The following PLCH1 variants were observed in gnomAD, a reference collection of about 807,000 sequenced individuals.
PLCH1 encodes the protein phospholipase C eta 1.
In PLCH1, 60 loss-of-function variants were observed where a neutral mutation model predicts 126.7. The observed-to-expected ratio is 0.47, with a 90% CI of 0.38 to 0.59. PLCH1 has a LOEUF of 0.59. PLCH1 is among the 20% of genes least tolerant of loss of function. The probability of loss-of-function intolerance (pLI) is 0.00; values close to 1 mark genes in which losing one functional copy is unlikely to be tolerated. For missense variants in PLCH1, 1,723 were observed against 2,040.0 expected (o/e 0.84, Z 2.99); for synonymous variants, 719 against 734.9 (o/e 0.98, Z 0.35).
At chr3:155,527,304 T>C (rs1334870464) in intron 10 of PLCH1, among the ~76,000 whole-genome samples, 1 of 152,194 alleles carries the variant, frequency 6.6e-6, no homozygotes, top group Non-Finnish European at 1.5e-5. Context: ...ATCTCTAAAC[T>C]CAAGCTTCAA....
At chr3:155,533,817 A>T (rs985301418) in intron 10 of PLCH1, among the ~76,000 whole-genome samples, 2 of 152,240 alleles carry the variant, frequency 1.3e-5, no homozygotes, top group Non-Finnish European at 2.9e-5. Context: ...AGCCATGGCT[A>T]AAAGGGGCCA....
intron 2 of PLCH1, among the ~76,000 whole-genome samples, chr3:155,681,154 C>G (rs1744501322): frequency 6.6e-6 from 1 of 152,016 alleles, no homozygotes; most frequent in African/African-American, 2.4e-5. Flanking sequence ...TATTTAGAAC[C>G]AGCATTTATT....
At chr3:155,469,260 T>C (rs955844584) in intron 21 of PLCH1, among the ~76,000 whole-genome samples, 6 of 152,140 alleles carry the variant, frequency 3.9e-5, no homozygotes, top group Admixed American at 3.3e-4. Flanking sequence ...ATTGCCTCAC[T>C]TGGGAAGCGC....
At chr3:155,654,711 A>G (rs1237262866) in intron 2 of PLCH1, among the ~76,000 whole-genome samples, 1 of 152,142 alleles carries the variant, frequency 6.6e-6, no homozygotes, top group Non-Finnish European at 1.5e-5. Context: ...AGTCCAGACC[A>G]CCATCATTTC....
Position 155,480,959 on chromosome 3 carries a change from TTAAA to T in PLCH1, c.*5_*8del, listed in dbSNP as rs1713912808. The stretch of plus-strand genomic sequence containing the variant: ...CCTTGAAAACCTTAAGAATGCAGTT[TTAAA>T]TAATTCACAGTCTCAAAAGAAAATA... On this transcript the variant is annotated 3_prime_UTR_variant, in exon 23 of 23. Coordinates refer to ENST00000460012, the MANE Select transcript of PLCH1 (RefSeq NM_014996.4). The T allele has an allele frequency of 6.4e-7, 1 of 1,562,690 alleles. No homozygotes were observed. Among genetic ancestry groups the T allele is most frequent in the Non-Finnish European group, 8.7e-7 (1 of 1,150,214 alleles).
intron 10 of PLCH1, among the ~76,000 whole-genome samples, chr3:155,537,202 C>A (rs890841321): frequency 0.092 from 903 of 9,768 alleles, 53 homozygotes; most frequent in African/African-American, 0.14. Flanking sequence ...AAAAAAAAAC[C>A]AAAAAAAAAA....
chr3:155,583,292 C>T (rs567645808), intron 6 of PLCH1, among the ~76,000 whole-genome samples, 180 bp downstream of exon 6: 16 of 152,190 alleles, frequency 1.1e-4, no homozygotes, highest in African/African-American at 2.6e-4. Flanking sequence ...CAAGTTATCA[C>T]TTCCTGTCTT....
At chr3:155,594,928 A>G (rs552449153) in intron 3 of PLCH1, among the ~76,000 whole-genome samples, 73 of 152,276 alleles carry the variant, frequency 4.8e-4, no homozygotes, top group Non-Finnish European at 8.5e-4. Flanking sequence ...GAAAGGAAAA[A>G]GAATTTCTGA....
At chr3:155,662,137 G>A (rs572932557) in intron 2 of PLCH1, among the ~76,000 whole-genome samples, 1 of 152,272 alleles carries the variant, frequency 6.6e-6, no homozygotes, top group African/African-American at 2.4e-5. Context: ...ACTAGAACTA[G>A]AGAAGCTATT....
chr3:155,539,971 T>C (rs977852375), intron 10 of PLCH1, among the ~76,000 whole-genome samples: 1 of 152,002 alleles, frequency 6.6e-6, no homozygotes, highest in Non-Finnish European at 1.5e-5. Flanking sequence ...ACGCATAACA[T>C]TACCTGACTT....
chr3:155,552,379 A>C (rs950308836), intron 9 of PLCH1, among the ~76,000 whole-genome samples: 1 of 152,226 alleles, frequency 6.6e-6, no homozygotes, highest in African/African-American at 2.4e-5. Context: ...AGGGTGCTAT[A>C]TGATATGACA....
chr3:155,646,200 G>T (rs144425286), intron 2 of PLCH1, among the ~76,000 whole-genome samples: 1,918 of 152,176 alleles, frequency 0.013, 16 homozygotes, highest in Non-Finnish European at 0.02. Flanking sequence ...AAAGCATTAG[G>T]ATACAAAAAA....
At chr3:155,534,983 G>C (rs1723163813) in intron 10 of PLCH1, among the ~76,000 whole-genome samples, 1 of 152,162 alleles carries the variant, frequency 6.6e-6, no homozygotes. Flanking sequence ...ATTTCTCTGT[G>C]TCAGGTATTT....
At chr3:155,601,129 C>T (rs997129045) in intron 2 of PLCH1, among the ~76,000 whole-genome samples, 12 of 152,094 alleles carry the variant, frequency 7.9e-5, no homozygotes, top group African/African-American at 9.7e-5. Flanking sequence ...CACACGCCAC[C>T]ACGCCCGGCC....
intron 6 of PLCH1, among the ~76,000 whole-genome samples, chr3:155,578,344 T>C (rs538915720): frequency 6.6e-6 from 1 of 152,336 alleles, no homozygotes; most frequent in South Asian, 2.1e-4. Flanking sequence ...ACACTATCTG[T>C]TTAATTCTTA....
chr3:155,551,623 A>G (rs1726154476), intron 9 of PLCH1, among the ~76,000 whole-genome samples: 1 of 150,518 alleles, frequency 6.6e-6, no homozygotes, highest in Non-Finnish European at 1.5e-5. Context: ...CTATTGGCAC[A>G]TAATGAATAG....
rs140341927 is a variant in PLCH1, at chr3:155,455,342, G to A, written c.2938+30014C>T. On this transcript the variant is annotated intron_variant, in intron 21 of 21. Transcript: ENST00000494598. ...ACAGATGCTGTCTTGTCCCCAAGAT[G>A]GTCCCTACATGTGGCATGATTAGAA... Among the ~76,000 whole-genome samples the A allele has an allele frequency of 2.0e-5, 3 of 152,216 alleles. No individual in the cohort carries two copies. The East Asian group carries it at 5.8e-4, about 29-fold the overall frequency.
At position 155,481,936 on chromosome 3, in the gene PLCH1, T is replaced by C. The variant is rs1714131887; in HGVS notation, c.4090A>G (p.Thr1364Ala). 6.2e-7 allele frequency: 1 copy of C among 1,614,028 alleles called. No individual in the cohort carries two copies. The highest frequency in any genetic ancestry group is 1.7e-5 in the Admixed American group (1 of 60,000). ...IDGESENLSL[T>A]TCEYRREGTS... is the part of the protein sequence containing the mutation. ...CCCTCTCTCCTATATTCACAGGTTG[T>C]TAGAGAAAGATTTTCTGATTCTCCA... Residue 1364 changes from threonine to alanine, a missense_variant, in exon 23 of 23, where the codon ACA becomes GCA. Physicochemically the swap from Thr to Ala is moderately conservative, Grantham distance 58. Around this residue, in one of 2 missense-constraint regions of PLCH1, gnomAD observed 947 missense variants for 977.1 expected, o/e 0.97. Coordinates refer to ENST00000460012, the MANE Select transcript of PLCH1 (RefSeq NM_014996.4). The surrounding 1 kb of genome is among the most constrained non-coding windows in gnomAD (Gnocchi z 4.2).
chr3:155,457,251 G>A (rs1195570754), intron 21 of PLCH1: 1 of 152,220 alleles, frequency 6.6e-6, no homozygotes, highest in Non-Finnish European at 1.5e-5. Context: ...GGAGGATGAT[G>A]GCCTCCTCCT....
Sources: allele counts gnomAD v4.1 joint callset (sites outside exome capture counted in the v4.1 genomes callset), GRCh38; gene constraint gnomAD v4.1.1; regional missense constraint gnomAD v4.1.1; non-coding constraint Gnocchi (gnomAD v3.1); transcripts MANE v1.5; gene names NCBI Gene and HGNC (gene_info 2026-07-23, HGNC 2026-07-21).